Variants in SSBP3 observed in about 807,000 individuals in gnomAD.
SSBP3 encodes single-stranded DNA-binding protein 3.
In SSBP3, 5 loss-of-function variants were observed where a neutral mutation model predicts 69.6. The observed-to-expected ratio is 0.07, with a 90% CI of 0.04 to 0.15. The LOEUF (loss-of-function observed/expected upper bound fraction) is 0.15, where lower values mean the gene tolerates loss of function less well. SSBP3 is among the 10% of genes least tolerant of loss of function. The pLI is 1.00. For missense variants in SSBP3, 312 were observed against 534.0 expected (o/e 0.58, Z 4.10); for synonymous variants, 196 against 193.4 (o/e 1.01, Z -0.11).
chr1:54,233,313 C>A (rs1354371028), intron 14 of SSBP3, among the ~76,000 whole-genome samples: 1 of 149,686 alleles, frequency 6.7e-6, no homozygotes, highest in African/African-American at 2.5e-5. Context: ...CCGGCCGCGA[C>A]CCCGTCTGGG....
chr1:54,365,264 C>T (rs375211307), intron 4 of SSBP3, among the ~76,000 whole-genome samples: 2 of 152,138 alleles, frequency 1.3e-5, no homozygotes, highest in Non-Finnish European at 2.9e-5. Context: ...CACACAATGT[C>T]GAAAGGCCCT....
chr1:54,362,871 G>C (rs553595788), intron 4 of SSBP3, among the ~76,000 whole-genome samples: 6 of 152,100 alleles, frequency 3.9e-5, no homozygotes, highest in African/African-American at 1.4e-4. Context: ...CCCAGATAAC[G>C]GCGAGGACAG....
chr1:54,315,708 C>A (rs566552958), intron 4 of SSBP3, among the ~76,000 whole-genome samples: 41 of 152,164 alleles, frequency 2.7e-4, no homozygotes, highest in African/African-American at 8.9e-4. Context: ...GTCACCCAGG[C>A]TGGGCTGCAG....
intron 9 of SSBP3, among the ~76,000 whole-genome samples, chr1:54,249,258 C>T (rs558314080): frequency 5.3e-5 from 8 of 152,244 alleles, no homozygotes; most frequent in African/African-American, 1.9e-4. Context: ...AATGACTTTG[C>T]CAGAAAAAGA....
intron 4 of SSBP3, among the ~76,000 whole-genome samples, chr1:54,356,035 A>G (rs1449784480): frequency 6.6e-6 from 1 of 152,226 alleles, no homozygotes; most frequent in South Asian, 2.1e-4. Flanking sequence ...AGGCAGCCTC[A>G]TGAAATAATG....
intron 4 of SSBP3, among the ~76,000 whole-genome samples, chr1:54,381,269 G>C (rs1241042697): frequency 6.6e-6 from 1 of 150,952 alleles, no homozygotes; most frequent in Non-Finnish European, 1.5e-5. Context: ...TGCAGTCCCA[G>C]CTACTCAGGA....
In SSBP3 at chr1:54,258,372, GGGGGTTGAAAGAACAAAAAATGAAGCAC is replaced by G. The variant is rs1644960379; in HGVS notation, c.367-251_367-224del. 6.6e-6 allele frequency among the ~76,000 whole-genome samples: 1 copy of G among 152,098 alleles called. No homozygotes were observed. Among genetic ancestry groups the G allele is most frequent in the Non-Finnish European group, 1.5e-5 (1 of 68,034 alleles). ...AGAGAAGCTGATAAATACATTCACA[GGGGGTTGAAAGAACAAAAAATGAAGCAC>G]CTCTGTCAAAGCACACGGGAGTACA... On this transcript the variant is annotated intron_variant, in intron 5 of 17. Coordinates refer to ENST00000610401, the Ensembl canonical transcript of SSBP3. This position sits in a 1 kb window ranked among gnomAD's most constrained non-coding sequence, Gnocchi z 4.5.
chr1:54,385,829 A>G (rs189007342), intron 4 of SSBP3, among the ~76,000 whole-genome samples: 32 of 152,304 alleles, frequency 2.1e-4, no homozygotes, highest in African/African-American at 7.7e-4. Flanking sequence ...CACAGGTTAC[A>G]CTGTGGATGG....
chr1:54,309,059 G>C (rs1180907331), intron 4 of SSBP3, among the ~76,000 whole-genome samples: 1 of 152,350 alleles, frequency 6.6e-6, no homozygotes, highest in East Asian at 1.9e-4. Context: ...TGTGCATACA[G>C]CTTTAGAGAC....
intron 5 of SSBP3, among the ~76,000 whole-genome samples, chr1:54,263,701 C>CTAAACA (rs1645053864): frequency 1.3e-5 from 2 of 152,258 alleles, no homozygotes; most frequent in Admixed American, 1.3e-4. Context: ...TTTCCTTACT[C>CTAAACA]CATGTCTGGG....
At chr1:54,318,040 T>C (rs1646145607) in intron 4 of SSBP3, among the ~76,000 whole-genome samples, 1 of 152,190 alleles carries the variant, frequency 6.6e-6, no homozygotes, top group Non-Finnish European at 1.5e-5. Flanking sequence ...ATTGGTGGGA[T>C]TAAAGGCGTG....
intron 4 of SSBP3, among the ~76,000 whole-genome samples, chr1:54,349,241 G>A (rs1388391277): frequency 6.6e-6 from 1 of 152,192 alleles, no homozygotes; most frequent in East Asian, 1.9e-4. Context: ...CCAGGTCTCT[G>A]TACCATCCAC....
intron 4 of SSBP3, among the ~76,000 whole-genome samples, chr1:54,334,136 G>A (rs1192876985): frequency 2.0e-5 from 3 of 151,966 alleles, no homozygotes; most frequent in Admixed American, 2.0e-4. Context: ...GGCGGATCAC[G>A]AGGTCAAGCT....
chr1:54,312,727 G>GACC lies in SSBP3; in HGVS notation c.277-31203_277-31201dup, dbSNP rs558639784. Among the ~76,000 whole-genome samples the GACC allele has an allele frequency of 2.6e-5, 4 of 152,232 alleles. No homozygotes were observed. In the East Asian group the frequency reaches 7.7e-4, roughly 29 times the overall value. On this transcript the variant is annotated intron_variant, in intron 4 of 17. Coordinates refer to ENST00000610401, the Ensembl canonical transcript of SSBP3. ...AGTCCTGAGGCCAGTGTTCAGACAA[G>GACC]ACCACCACAGCCATGTCAGGGGGCT...
At chr1:54,305,290 G>T (rs541327678) in intron 4 of SSBP3, among the ~76,000 whole-genome samples, 1 of 152,254 alleles carries the variant, frequency 6.6e-6, no homozygotes, top group African/African-American at 2.4e-5. Flanking sequence ...CAATATCACT[G>T]GTCCTCCAAA....
chr1:54,349,771 C>T (rs932876518), intron 4 of SSBP3, among the ~76,000 whole-genome samples: 2 of 151,848 alleles, frequency 1.3e-5, no homozygotes, highest in Non-Finnish European at 2.9e-5. Flanking sequence ...TCAAGAAATG[C>T]CTCCCGCTTC....
At chr1:54,289,020 C>CAG in intron 4 of SSBP3, among the ~76,000 whole-genome samples, 1 of 43,920 alleles carries the variant, frequency 2.3e-5, no homozygotes, top group Middle Eastern at 0.021. Flanking sequence ...ACTCTGTCTC[C>CAG]AAAAAAAAAA....
At chr1:54,232,871 G>A (rs1223804763) in intron 14 of SSBP3, among the ~76,000 whole-genome samples, 1 of 152,320 alleles carries the variant, frequency 6.6e-6, no homozygotes, top group Non-Finnish European at 1.5e-5. Context: ...ACGGAGTCTC[G>A]TTCACTCAGT....
At chr1:54,379,096 G>T (rs1052082847) in intron 4 of SSBP3, among the ~76,000 whole-genome samples, 1 of 152,082 alleles carries the variant, frequency 6.6e-6, no homozygotes, top group African/African-American at 2.4e-5. Flanking sequence ...CTCCAGCCCC[G>T]ATCTGCCACC....
Sources: gnomAD v4.1 joint callset for allele counts (sites outside exome capture counted in the v4.1 genomes callset) on GRCh38, gnomAD v4.1.1 for gene constraint, Gnocchi (gnomAD v3.1) non-coding constraint, MANE v1.5 for transcripts, NCBI Gene and HGNC (gene_info 2026-07-23, HGNC 2026-07-21) for gene names.